ZNF404: variants seen among roughly 807,000 people sequenced by gnomAD.
ZNF404 encodes the protein zinc finger protein 404.
In ZNF404, 7 loss-of-function variants were observed where a neutral mutation model predicts 7.3. That is an observed-to-expected ratio of 0.95 (90% CI 0.54 to 1.79). ZNF404 has a LOEUF of 1.79. Ranked by LOEUF, ZNF404 falls within the 40% of genes most tolerant of loss-of-function variation. ZNF404 has a pLI of 0.00. For missense variants in ZNF404, 560 were observed against 661.5 expected (o/e 0.85, Z 1.68); for synonymous variants, 191 against 209.9 (o/e 0.91, Z 0.78).
rs1861039229 is a variant in ZNF404, at chr19:43,873,153, A to C, written c.1061T>G (p.Leu354Arg). 1 of 1,613,270 alleles carries C rather than the reference A, an allele frequency of 6.2e-7. No individual in the cohort carries two copies. Among genetic ancestry groups the C allele is most frequent in the Admixed American group, 1.7e-5 (1 of 59,900 alleles). ...KHKRIHSSEK[L>R]YDCKDCGKAF... ...CTTTCCACAATCCTTACAATCATAG[A>C]GTTTCTCACTACTATGAATTCTCTT... The change falls in exon 3 of 3, where the codon CTC becomes CGC. Residue 354 changes from leucine to arginine, a missense_variant. By Grantham distance (102) the Leu-to-Arg change is moderately radical. Coordinates refer to ENST00000587539, the MANE Select transcript of ZNF404 (RefSeq NM_001033719.3).
At position 43,872,678 on chromosome 19, in the gene ZNF404, T is replaced by C; in HGVS notation, c.1536A>G (p.Gln512=). The C allele has an allele frequency of 6.2e-7, 1 of 1,613,364 alleles. No homozygotes were observed. Among genetic ancestry groups the C allele is most frequent in the Non-Finnish European group, 8.5e-7 (1 of 1,179,636 alleles). Residue 512 remains glutamine, a synonymous_variant, in exon 3 of 3, where the codon CAA becomes CAG. Transcript: ENST00000587539. The surrounding 1 kb of genome is among the most constrained non-coding windows in gnomAD (Gnocchi z 4.4). ...TCACACCAGTATGAATTGTCTCATGTTGAGTAAGTCGATCACTGCGATTAA... is the reference window on the plus strand; with the variant it reads ...TCACACCAGTATGAATTGTCTCATGCTGAGTAAGTCGATCACTGCGATTAA... ...KAFNRSDRLT[Q]HETIHTGVKP...
In ZNF404 at chr19:43,873,993, T is replaced by G; in HGVS notation, c.221A>C (p.Lys74Thr). The change falls in exon 3 of 3, where the codon AAA (lysine) becomes ACA (threonine). Residue 74 changes from lysine (K) to threonine (T), a missense_variant. By Grantham distance (78) the Lys-to-Thr change is moderately conservative. Coordinates refer to ENST00000587539, the MANE Select transcript of ZNF404 (RefSeq NM_001033719.3). ...EVNAYHQETW[K>T]RNKTFNLMRF... ...CATAAGGTTGAAGGTTTTATTTCTT[T>G]TCCATGTCTCCTGATGGTACGCATT... 5.0e-6 allele frequency: 8 copies of G among 1,612,300 alleles called. No homozygotes were observed. The highest frequency in any genetic ancestry group is 6.8e-6 in the Non-Finnish European group (8 of 1,179,278).
chr19:43,878,496 G>A (rs147883599), intron 2 of ZNF404, among the ~76,000 whole-genome samples: 2,168 of 151,890 alleles, frequency 0.014, 38 homozygotes, highest in Non-Finnish European at 0.018. Flanking sequence ...TTTGTCAGAT[G>A]AGTAGGTTGC....
intron 1 of ZNF404, among the ~76,000 whole-genome samples, chr19:43,880,426 G>A (rs531713911): frequency 6.6e-6 from 1 of 152,150 alleles, no homozygotes; most frequent in African/African-American, 2.4e-5. Context: ...GTATATATAA[G>A]CACAATACCT....
chr19:43,880,592 C>T (rs1048362210), intron 1 of ZNF404, among the ~76,000 whole-genome samples: 8 of 152,084 alleles, frequency 5.3e-5, no homozygotes, highest in African/African-American at 1.4e-4. Context: ...ATTGAATTTA[C>T]CTTCTTGTAT....
chr19:43,881,145 G>C (rs1971891892), intron 1 of ZNF404, among the ~76,000 whole-genome samples: 1 of 152,112 alleles, frequency 6.6e-6, no homozygotes, highest in South Asian at 2.1e-4. Flanking sequence ...ATAGTGAAAG[G>C]CTGAATGCTT....
Position 43,873,150 on chromosome 19 carries a change from T to C in ZNF404, c.1064A>G (p.Tyr355Cys), listed in dbSNP as rs758684958. 6 of 1,613,584 alleles carry C rather than the reference T, an allele frequency of 3.7e-6. No individual in the cohort carries two copies. The highest frequency in any genetic ancestry group is 5.1e-6 in the Non-Finnish European group (6 of 1,179,670). Residue 355 changes from tyrosine (Y) to cysteine (C), a missense_variant, in exon 3 of 3, where the codon TAT (tyrosine) becomes TGT (cysteine). Transcript: ENST00000587539. ...GGCCTTTCCACAATCCTTACAATCA[T>C]AGAGTTTCTCACTACTATGAATTCT... ...HKRIHSSEKL[Y>C]DCKDCGKAFC... is the part of the protein sequence containing the mutation.
chr19:43,874,116 A>C, intron 2 of ZNF404, 39 bp from the exon 3 acceptor site: 3 of 1,355,420 alleles, frequency 2.2e-6, no homozygotes, highest in Non-Finnish European at 3.0e-6. Flanking sequence ...GCTATTTTCC[A>C]ATAATAGGGG....
chr19:43,883,629 C>CA (rs1335892616), intron 1 of ZNF404, among the ~76,000 whole-genome samples: 1 of 152,106 alleles, frequency 6.6e-6, no homozygotes, highest in Non-Finnish European at 1.5e-5. Context: ...CAAATAGGAC[C>CA]ATTGTTCCTA....
rs377354114 is a variant in ZNF404 at position 43,872,369 on chromosome 19, T to C, written c.*186A>G. On this transcript the variant is annotated 3_prime_UTR_variant, in exon 3 of 3. Transcript: ENST00000587539. The surrounding 1 kb of genome is among the most constrained non-coding windows in gnomAD (Gnocchi z 4.4). ...AAATATCACACTCATAGGGTCTTCC[T>C]TCTATAAGATTTATTTTTAGTAATT... 3.6e-4 allele frequency: 168 copies of C among 470,950 alleles called. No homozygotes were observed. The highest frequency in any genetic ancestry group is 3.2e-3 in the East Asian group (93 of 29,432). The allele number at this position is 470,950 out of a possible 1,614,324, so 29.2% of individuals were successfully genotyped here. A position where few individuals can be genotyped will look rare whatever the true frequency, so the allele number is the denominator to read the frequency against.
intron 1 of ZNF404, 43 bp from the exon 2 acceptor site, chr19:43,880,179 A>G: frequency 6.4e-7 from 1 of 1,553,016 alleles, no homozygotes; most frequent in Non-Finnish European, 8.7e-7. Context: ...AGTAAAGAAG[A>G]CTTTTCAAGA....
At chr19:43,876,577 A>G (rs1339219697) in intron 2 of ZNF404, among the ~76,000 whole-genome samples, 1 of 152,176 alleles carries the variant, frequency 6.6e-6, no homozygotes, top group Non-Finnish European at 1.5e-5. Flanking sequence ...TCAAATGTAC[A>G]TGAAATGATG....
rs374943978 is a variant in ZNF404 at position 43,874,130 on chromosome 19, G to A, written c.137-53C>T. ...TGCTATTTTCCAATAATAGGGGTAG[G>A]GAGAGGACATCTATATTAAAAATAG... On this transcript the variant is annotated intron_variant, in intron 2 of 2. Transcript: ENST00000587539. 6.6e-5 allele frequency: 79 copies of A among 1,194,002 alleles called. 1 individual carries two copies. The highest frequency in any genetic ancestry group is 5.0e-4 in the East Asian group (20 of 39,626). The allele number at this position is 1,194,002 out of a possible 1,614,324, so 74.0% of individuals were successfully genotyped here. A position where few individuals can be genotyped will look rare whatever the true frequency, so the allele number is the denominator to read the frequency against.
Position 43,873,877 on chromosome 19 carries a change from T to G in ZNF404, c.337A>C (p.Lys113Gln). 6.2e-7 allele frequency: 1 copy of G among 1,613,026 alleles called. No homozygotes were observed. The highest frequency in any genetic ancestry group is 1.1e-5 in the South Asian group (1 of 91,002). ...TGTAGAGGAAGGGATTTATGTTTTTTGAATATCATTTGACTAAAACATCCC... is the reference window on the plus strand; with the variant it reads ...TGTAGAGGAAGGGATTTATGTTTTTGGAATATCATTTGACTAAAACATCCC... ...KVGCFSQMIF[K>Q]KHKSLPLHKR... The change falls in exon 3 of 3, where the codon AAA becomes CAA. Residue 113 changes from lysine (K) to glutamine (Q), a missense_variant. By Grantham distance (53) the Lys-to-Gln change is moderately conservative. Transcript: ENST00000587539.
At chr19:43,876,183 A>G (rs1294941344) in intron 2 of ZNF404, among the ~76,000 whole-genome samples, 1 of 152,022 alleles carries the variant, frequency 6.6e-6, no homozygotes, top group Admixed American at 6.6e-5. Flanking sequence ...GTGTGGTGGC[A>G]CACACCTATA....
chr19:43,874,838 G>A (rs1971841111), intron 2 of ZNF404, among the ~76,000 whole-genome samples: 1 of 151,982 alleles, frequency 6.6e-6, no homozygotes, highest in African/African-American at 2.4e-5. Flanking sequence ...TAGCATAGGT[G>A]CAAATCTTCT....
chr19:43,880,190 T>C (rs1447589199), intron 1 of ZNF404, 54 bp from the exon 2 acceptor site: 18 of 1,517,194 alleles, frequency 1.2e-5, no homozygotes, highest in Non-Finnish European at 1.5e-5. Context: ...CTTTTCAAGA[T>C]GGAACATTAA....
At chr19:43,879,874 C>T in intron 2 of ZNF404, 136 bp downstream of exon 2, 1 of 1,087,496 alleles carries the variant, frequency 9.2e-7, no homozygotes, top group East Asian at 2.4e-5. Flanking sequence ...CAAATATGCC[C>T]ATTTCCACCT....
chr19:43,874,060 C>A lies in ZNF404; in HGVS notation c.154G>T (p.Glu52Ter). Residue 52 changes from glutamate to a stop codon, truncating the protein, a stop_gained, in exon 3 of 3, where the codon GAA (glutamate) becomes TAA (stop). Transcript: ENST00000587539. LOFTEE classifies it low-confidence loss of function (END_TRUNC). ...LVSLDFNFTTESNKLSSEKRN... is the reference protein window; with the variant it reads ...LVSLDFNFTT ...TTTTCTGAAGATAACTTGTTGCTTT[C>A]AGTTGTGAAATTAAAGTCTGGAAGA... 1 of 1,566,866 alleles carries A rather than the reference C, an allele frequency of 6.4e-7. No homozygotes were observed.
Sources: gnomAD v4.1 joint callset for allele counts (sites outside exome capture counted in the v4.1 genomes callset) on GRCh38, gnomAD v4.1.1 for gene constraint, Gnocchi (gnomAD v3.1) non-coding constraint, MANE v1.5 for transcripts, NCBI Gene and HGNC (gene_info 2026-07-23, HGNC 2026-07-21) for gene names.